NFATC3: variants seen among roughly 807,000 people sequenced by gnomAD.
NFATC3 encodes nuclear factor of activated T cells 3.
Under a neutral mutation model 98.6 loss-of-function variants are expected in NFATC3, and 46 were observed. The observed-to-expected ratio is 0.47, with a 90% confidence interval of 0.37 to 0.60. NFATC3 has a LOEUF of 0.60. Ranked by LOEUF, NFATC3 falls within the 20% of genes least tolerant of loss-of-function variation. The probability of loss-of-function intolerance (pLI) is 0.00; values close to 1 mark genes in which losing one functional copy is unlikely to be tolerated. For missense variants in NFATC3, 1,256 were observed against 1,295.5 expected (o/e 0.97, Z 0.47); for synonymous variants, 512 against 472.2 (o/e 1.08, Z -1.09).
chr16:68,089,479 T>C (rs1193042440), intron 1 of NFATC3: 1 of 164,268 alleles, frequency 6.1e-6, no homozygotes, highest in Non-Finnish European at 1.3e-5. Context: ...AGTGGGGGGT[T>C]GTATACCAAC....
At chr16:68,121,672 CAAA>C (rs34100394) in intron 1 of NFATC3, among the ~76,000 whole-genome samples, 10 of 73,434 alleles carry the variant, frequency 1.4e-4, no homozygotes, top group Admixed American at 1.5e-4. Flanking sequence ...GACCCTGTCT[CAAA>C]AAAAAAAAAA....
At chr16:68,101,489 TG>T (rs370705415) in intron 1 of NFATC3, among the ~76,000 whole-genome samples, 12 of 151,114 alleles carry the variant, frequency 7.9e-5, no homozygotes, top group Non-Finnish European at 1.2e-4. Context: ...TTTTTTTTTT[TG>T]TTTTTTTTTT....
chr16:68,101,488 T>TG (rs2035353195), intron 1 of NFATC3, among the ~76,000 whole-genome samples: 1 of 151,372 alleles, frequency 6.6e-6, no homozygotes, highest in African/African-American at 2.4e-5. Flanking sequence ...GTTTTTTTTT[T>TG]TGTTTTTTTT....
chr16:68,128,860 C>A (rs1017262520), intron 3 of NFATC3, among the ~76,000 whole-genome samples: 2 of 151,390 alleles, frequency 1.3e-5, no homozygotes, highest in African/African-American at 2.4e-5. Flanking sequence ...TGCCTGTAAT[C>A]CAGGTGACAT....
At chr16:68,167,810 C>CTTTTTTTTTTTGTTTTTTTTTT (rs2039272088) in intron 5 of NFATC3, among the ~76,000 whole-genome samples, 1 of 23,898 alleles carries the variant, frequency 4.2e-5, no homozygotes, top group Non-Finnish European at 1.1e-4. Context: ...CGTATGTGTT[C>CTTTTTTTTTTTGTTTTTTTTTT]TTTTTTTTTT....
intron 1 of NFATC3, among the ~76,000 whole-genome samples, chr16:68,087,065 A>G (rs1043033016): frequency 6.6e-6 from 1 of 152,230 alleles, no homozygotes; most frequent in Non-Finnish European, 1.5e-5. Flanking sequence ...GTGAATGGTG[A>G]TGCATTTTAT....
At position 68,226,380 on chromosome 16, in the gene NFATC3, A is replaced by G; in HGVS notation, c.3137A>G (p.Gln1046Arg). Reference protein sequence around the residue: ...VNEIIGRDMSQISVSQGAGVS... With the variant: ...VNEIIGRDMSRISVSQGAGVS... Reference sequence around the variant, plus strand: ...GAGATAATTGGGAGAGACATGTCCCAGATTTCTGTTTCCCAAGGAGCAGGG... The same window carrying G: ...GAGATAATTGGGAGAGACATGTCCCGGATTTCTGTTTCCCAAGGAGCAGGG... The change falls in exon 10 of 10, where the codon CAG becomes CGG. Residue 1046 changes from glutamine (Q) to arginine (R), a missense_variant. Physicochemically the swap from Gln to Arg is conservative, Grantham distance 43. Coordinates refer to ENST00000346183, the MANE Select transcript of NFATC3 (RefSeq NM_173165.3). The G allele has an allele frequency of 1.9e-6, 3 of 1,568,464 alleles. No individual in the cohort carries two copies. The highest frequency in any genetic ancestry group is 2.6e-6 in the Non-Finnish European group (3 of 1,162,540).
intron 2 of NFATC3, among the ~76,000 whole-genome samples, chr16:68,125,621 A>G (rs2036794269): frequency 6.6e-6 from 1 of 152,208 alleles, no homozygotes; most frequent in South Asian, 2.1e-4. Flanking sequence ...CAGTAGGCTG[A>G]CATCCAGAGA....
At chr16:68,092,495 C>T (rs2034775417) in intron 1 of NFATC3, among the ~76,000 whole-genome samples, 1 of 151,062 alleles carries the variant, frequency 6.6e-6, no homozygotes, top group African/African-American at 2.4e-5. Flanking sequence ...GGCACGGTGG[C>T]TTACGCCTGT....
intron 2 of NFATC3, among the ~76,000 whole-genome samples, chr16:68,124,811 T>A (rs1357075979): frequency 6.6e-6 from 1 of 150,438 alleles, no homozygotes; most frequent in Non-Finnish European, 1.5e-5. Context: ...CTCACTGCCA[T>A]CTCCGCCTTC....
intron 3 of NFATC3, among the ~76,000 whole-genome samples, chr16:68,136,269 T>C (rs1466039557): frequency 6.6e-6 from 1 of 152,128 alleles, no homozygotes. Flanking sequence ...GTTTACTTTT[T>C]TTTTCTTTTT....
Position 68,085,792 on chromosome 16 carries a change from C to T in NFATC3, c.103+8C>T. On this transcript the variant is annotated splice_region_variant and intron_variant, in intron 1 of 9. Transcript: ENST00000346183. ...CGGGCTCGCGGCCTGCAGGTGGGTG[C>T]CGGGCCAGGCGGGACCGTGGAGCGA... 5.5e-6 allele frequency: 8 copies of T among 1,461,768 alleles called. No individual in the cohort carries two copies. Among genetic ancestry groups the T allele is most frequent in the Non-Finnish European group, 7.2e-6 (8 of 1,115,448 alleles). The allele number at this position is 1,461,768 out of a possible 1,614,324, so 90.5% of individuals were successfully genotyped here.
chr16:68,211,665 G>A (rs906985116), intron 9 of NFATC3, among the ~76,000 whole-genome samples: 27 of 151,578 alleles, frequency 1.8e-4, no homozygotes, highest in Admixed American at 1.7e-3. Flanking sequence ...TGGGATTACA[G>A]GCATCTACCA....
chr16:68,087,221 A>G (rs969290220), intron 1 of NFATC3, among the ~76,000 whole-genome samples: 2 of 152,202 alleles, frequency 1.3e-5, no homozygotes, highest in Non-Finnish European at 1.5e-5. Flanking sequence ...AGCAGATTTT[A>G]TTGGGCACAA....
In NFATC3 at chr16:68,085,604, G is replaced by A; in HGVS notation, c.-78G>A. 7.6e-7 allele frequency: 1 copy of A among 1,313,110 alleles called. No individual in the cohort carries two copies. Among genetic ancestry groups the A allele is most frequent in the Admixed American group, 2.7e-5 (1 of 36,536 alleles). 81.3% of individuals were successfully genotyped at this position (1,313,110 alleles called of 1,614,324 possible). Reference sequence around the variant, plus strand: ...CCCGCGCGGCCCGGCATGAAGCGGCGTTGAGGAGCTGCTGCCGCCGCTTGC... The same window carrying A: ...CCCGCGCGGCCCGGCATGAAGCGGCATTGAGGAGCTGCTGCCGCCGCTTGC... On this transcript the variant is annotated 5_prime_UTR_variant, in exon 1 of 10. Coordinates refer to ENST00000346183, the MANE Select transcript of NFATC3 (RefSeq NM_173165.3).
At chr16:68,143,209 TAAAAAAA>T (rs5817630) in intron 3 of NFATC3, among the ~76,000 whole-genome samples, 1 of 49,774 alleles carries the variant, frequency 2.0e-5, no homozygotes, top group African/African-American at 6.0e-5. Flanking sequence ...AAGACCATGC[TAAAAAAA>T]AAAAAAAAAA....
chr16:68,151,943 C>T (rs988329678), intron 3 of NFATC3, among the ~76,000 whole-genome samples: 15 of 151,808 alleles, frequency 9.9e-5, no homozygotes, highest in African/African-American at 3.1e-4. Context: ...GTGGCAGGCA[C>T]CTGTAATCCC....
At chr16:68,150,652 A>G (rs2038270763) in intron 3 of NFATC3, among the ~76,000 whole-genome samples, 1 of 152,194 alleles carries the variant, frequency 6.6e-6, no homozygotes, top group African/African-American at 2.4e-5. Context: ...AGTACTATTA[A>G]GAGAAAAATA....
Position 68,122,791 on chromosome 16 carries a change from G to A in NFATC3, c.908G>A (p.Gly303Glu), listed in dbSNP as rs1222146519. The A allele has an allele frequency of 6.2e-7, 1 of 1,614,124 alleles. No individual in the cohort carries two copies. Among genetic ancestry groups the A allele is most frequent in the Non-Finnish European group, 8.5e-7 (1 of 1,180,054 alleles). ...PVPSPGHSPR[G>E]SVTEDTWLNA... ...CCTTCACCTGGTCACTCCCCCAGGGGAAGTGTGACAGAAGATACGTGGCTC... is the reference window on the plus strand; with the variant it reads ...CCTTCACCTGGTCACTCCCCCAGGGAAAGTGTGACAGAAGATACGTGGCTC... The change falls in exon 2 of 10, where the codon GGA (glycine) becomes GAA (glutamate). Residue 303 changes from glycine (G) to glutamate (E), a missense_variant. Transcript: ENST00000346183.
Sources: gnomAD v4.1 joint callset for allele counts (sites outside exome capture counted in the v4.1 genomes callset) on GRCh38, gnomAD v4.1.1 for gene constraint, MANE v1.5 for transcripts, NCBI Gene and HGNC (gene_info 2026-07-23, HGNC 2026-07-21) for gene names.